MAPRE3: variants seen among roughly 807,000 people sequenced by gnomAD.
The protein encoded by MAPRE3 is microtubule-associated protein RP/EB family member 3.
A neutral mutation model predicts 30.5 loss-of-function variants in MAPRE3; 2 were observed. The observed-to-expected ratio is 0.07, with a 90% confidence interval of 0.03 to 0.21. The LOEUF is 0.21. Among genes scored for constraint, MAPRE3 ranks in the 10% least tolerant of loss-of-function variants. The pLI is 1.00. For synonymous variants in MAPRE3, 110 were observed against 127.7 expected, an observed-to-expected ratio of 0.86 and a Z score of 0.93; for missense variants, 204 against 351.8, an observed-to-expected ratio of 0.58 and a Z score of 3.36.
intron 4 of MAPRE3, 133 bp downstream of exon 4, chr2:27,024,430 G>T: frequency 1.3e-6 from 1 of 781,498 alleles, no homozygotes; most frequent in Non-Finnish European, 2.0e-6. Flanking sequence ...TTCGGATGAC[G>T]CCGCCTGCTG....
intron 3 of MAPRE3, chr2:27,023,834 C>A (rs1667167077): frequency 1.2e-5 from 6 of 514,750 alleles, no homozygotes; most frequent in Non-Finnish European, 2.1e-5. Flanking sequence ...CCCCAGCCCA[C>A]ACGCAGGCAG....
chr2:27,026,105 G>A (rs1572777449), intron 6 of MAPRE3, 73 bp downstream of exon 6: 1 of 1,569,840 alleles, frequency 6.4e-7, no homozygotes, highest in Non-Finnish European at 8.7e-7. Flanking sequence ...GATAGGGCCA[G>A]AAGGGACCGT....
At chr2:27,001,180 C>T (rs181739333) in intron 1 of MAPRE3, among the ~76,000 whole-genome samples, 1 of 152,192 alleles carries the variant, frequency 6.6e-6, no homozygotes, top group Admixed American at 6.5e-5. Flanking sequence ...GTGATTTTGC[C>T]ATTGTGCAAA....
intron 1 of MAPRE3, among the ~76,000 whole-genome samples, chr2:26,995,299 G>C (rs1162407037): frequency 6.6e-6 from 1 of 152,132 alleles, no homozygotes. Flanking sequence ...TCCTGGTTTT[G>C]CTGCAGTCCT....
intron 1 of MAPRE3, among the ~76,000 whole-genome samples, chr2:27,008,593 A>AC (rs1666778934): frequency 6.6e-6 from 1 of 152,168 alleles, no homozygotes; most frequent in African/African-American, 2.4e-5. Context: ...AGTCCAGAGT[A>AC]ACTCAGGTTT....
At chr2:27,012,426 A>C (rs1666882612) in intron 1 of MAPRE3, 1 of 152,234 alleles carries the variant, frequency 6.6e-6, no homozygotes, top group South Asian at 2.1e-4. Context: ...TTGAACTTGG[A>C]AAAGTCACTG....
intron 1 of MAPRE3, among the ~76,000 whole-genome samples, chr2:26,988,292 T>G (rs1666260685): frequency 6.6e-6 from 1 of 152,212 alleles, no homozygotes; most frequent in Admixed American, 6.5e-5. Flanking sequence ...TGGTGTGAGG[T>G]AATATCTGTC....
At chr2:27,008,962 G>A (rs1666790452) in intron 1 of MAPRE3, among the ~76,000 whole-genome samples, 1 of 152,032 alleles carries the variant, frequency 6.6e-6, no homozygotes. Context: ...AAAGGTTACT[G>A]GATGATTTCA....
chr2:27,003,378 G>GA (rs906888732), intron 1 of MAPRE3, among the ~76,000 whole-genome samples: 39 of 150,676 alleles, frequency 2.6e-4, no homozygotes, highest in African/African-American at 6.6e-4. Flanking sequence ...TCTAAAATCA[G>GA]AAAAAAAAAT....
At chr2:27,010,665 A>G (rs1273299075) in intron 1 of MAPRE3, among the ~76,000 whole-genome samples, 1 of 151,376 alleles carries the variant, frequency 6.6e-6, no homozygotes, top group Non-Finnish European at 1.5e-5. Flanking sequence ...CTGGTCTCGA[A>G]CTCCTGACCT....
intron 1 of MAPRE3, among the ~76,000 whole-genome samples, chr2:26,971,189 C>T (rs1376346269): frequency 6.6e-6 from 1 of 152,222 alleles, no homozygotes; most frequent in Non-Finnish European, 1.5e-5. Flanking sequence ...CTGACATCTC[C>T]CGGCCTCTCT....
intron 1 of MAPRE3, among the ~76,000 whole-genome samples, chr2:27,007,929 GAGTTTTTTGACTGGGAGGGT>G (rs1666767264): frequency 1.3e-5 from 2 of 152,166 alleles, no homozygotes; most frequent in Non-Finnish European, 2.9e-5. Flanking sequence ...CCCACCTATT[GAGTTTTTTGACTGGGAGGGT>G]AGGGATGTTA....
At chr2:27,004,202 G>T (rs1273234565) in intron 1 of MAPRE3, among the ~76,000 whole-genome samples, 1 of 152,138 alleles carries the variant, frequency 6.6e-6, no homozygotes, top group Non-Finnish European at 1.5e-5. Context: ...CTGGAGTTGG[G>T]TGCTGTGGAG....
At chr2:26,979,886 G>T (rs999373736) in intron 1 of MAPRE3, among the ~76,000 whole-genome samples, 1 of 152,188 alleles carries the variant, frequency 6.6e-6, no homozygotes, top group Admixed American at 6.5e-5. Flanking sequence ...TAAAAACAAC[G>T]TGACTGTGGG....
At chr2:27,013,283 C>T (rs1030468314) in intron 1 of MAPRE3, 3 of 152,268 alleles carry the variant, frequency 2.0e-5, no homozygotes, top group Non-Finnish European at 2.9e-5. Flanking sequence ...AGGTTCCACT[C>T]TCGGAACCAT....
chr2:26,975,686 G>C (rs1234092196), intron 1 of MAPRE3, among the ~76,000 whole-genome samples: 1 of 152,218 alleles, frequency 6.6e-6, no homozygotes, highest in Non-Finnish European at 1.5e-5. Flanking sequence ...TAAGAAGCAT[G>C]TATGCTTTAG....
chr2:26,980,640 AT>A (rs1666095581), intron 1 of MAPRE3, among the ~76,000 whole-genome samples: 1 of 152,124 alleles, frequency 6.6e-6, no homozygotes, highest in Non-Finnish European at 1.5e-5. Context: ...TACAAGTGAC[AT>A]TTTTTTCTTT....
chr2:26,984,829 T>A (rs1164853569), intron 1 of MAPRE3: 1 of 152,248 alleles, frequency 6.6e-6, no homozygotes, highest in Non-Finnish European at 1.5e-5. Flanking sequence ...CAGTGTAAAT[T>A]ACATGCAGAA....
At chr2:26,970,890 C>G (rs1665901470) in intron 1 of MAPRE3, 88 bp downstream of exon 1, 1 of 151,558 alleles carries the variant, frequency 6.6e-6, no homozygotes, top group African/African-American at 2.4e-5. Context: ...CGGGCTCCCC[C>G]CGCCCCTGCC....
Sources: gnomAD v4.1 joint callset for allele counts (sites outside exome capture counted in the v4.1 genomes callset) on GRCh38, gnomAD v4.1.1 for gene constraint, MANE v1.5 for transcripts, NCBI Gene and HGNC (gene_info 2026-07-23, HGNC 2026-07-21) for gene names.